The following ZDHHC15 variants were observed in gnomAD, a reference collection of about 807,000 sequenced individuals.
ZDHHC15 encodes the protein palmitoyltransferase ZDHHC15.
A neutral mutation model predicts 31.7 loss-of-function variants in ZDHHC15; 19 were observed. That is an observed-to-expected ratio of 0.60 (90% CI 0.42 to 0.88). ZDHHC15 has a LOEUF of 0.88. Among genes scored for constraint, ZDHHC15 ranks in the 40% least tolerant of loss-of-function variants. The pLI is 0.00. For missense variants in ZDHHC15, 209 were observed against 251.2 expected, an observed-to-expected ratio of 0.83 and a Z score of 1.14; for synonymous variants, 103 against 90.0, an observed-to-expected ratio of 1.14 and a Z score of -0.82.
chrX:75,416,975 C>T (rs2083555796), intron 10 of ZDHHC15, 112 bp downstream of exon 10: 3 of 574,611 alleles, frequency 5.2e-6, no homozygotes, highest in Non-Finnish European at 8.4e-6. Flanking sequence ...CTCCACCATC[C>T]AGAGGACACT....
intron 2 of ZDHHC15, among the ~76,000 whole-genome samples, chrX:75,488,543 T>A (rs1406439677): frequency 8.9e-6 from 1 of 112,237 alleles, no homozygotes; most frequent in Non-Finnish European, 1.9e-5. Context: ...AAATAAAACC[T>A]CAAATTACAC....
chrX:75,514,072 AC>A (rs2085318535), intron 1 of ZDHHC15, among the ~76,000 whole-genome samples: 1 of 112,854 alleles, frequency 8.9e-6, no homozygotes, highest in South Asian at 3.6e-4. Context: ...ATAAACAAAA[AC>A]TGAGGGAGCT....
At chrX:75,427,974 T>C (rs937263621) in intron 7 of ZDHHC15, among the ~76,000 whole-genome samples, 7 of 111,882 alleles carry the variant, frequency 6.3e-5, no homozygotes, top group Non-Finnish European at 1.1e-4. Context: ...TTAAATATTC[T>C]TGGCTATTTA....
intron 1 of ZDHHC15, among the ~76,000 whole-genome samples, chrX:75,516,940 A>G (rs2085367304): frequency 8.9e-6 from 1 of 112,452 alleles, no homozygotes; most frequent in Non-Finnish European, 1.9e-5. Flanking sequence ...ATGAACAGAC[A>G]TTTCTCAAAA....
chrX:75,514,328 G>C (rs1316009439), intron 1 of ZDHHC15, among the ~76,000 whole-genome samples: 1 of 112,320 alleles, frequency 8.9e-6, no homozygotes, highest in Non-Finnish European at 1.9e-5. Flanking sequence ...AATGTATAAA[G>C]ATGTAATTTG....
At chrX:75,407,635 G>A (rs997212914) in intron 10 of ZDHHC15, among the ~76,000 whole-genome samples, 2 of 111,753 alleles carry the variant, frequency 1.8e-5, no homozygotes, top group Non-Finnish European at 1.9e-5. Flanking sequence ...TGGGAGGTGG[G>A]GGGCGCCTCT....
At chrX:75,406,472 G>A (rs1779224204) in intron 10 of ZDHHC15, among the ~76,000 whole-genome samples, 1 of 110,776 alleles carries the variant, frequency 9.0e-6, no homozygotes, top group Admixed American at 9.6e-5. Flanking sequence ...AAAAAAGAGA[G>A]AAGACCCAAA....
At chrX:75,376,300 T>C (rs760486045) in intron 11 of ZDHHC15, among the ~76,000 whole-genome samples, 19 of 105,299 alleles carry the variant, frequency 1.8e-4, no homozygotes, top group African/African-American at 6.4e-4. Context: ...AGATTCTGGA[T>C]ATTAAACTTT....
intron 2 of ZDHHC15, among the ~76,000 whole-genome samples, chrX:75,480,223 A>C (rs1052885866): frequency 2.2e-4 from 24 of 111,355 alleles, no homozygotes; most frequent in African/African-American, 5.9e-4. Flanking sequence ...TATGTGCTTG[A>C]TTTTTGTAAC....
intron 1 of ZDHHC15, among the ~76,000 whole-genome samples, chrX:75,510,640 T>C (rs1333725528): frequency 2.1e-5 from 2 of 93,245 alleles, no homozygotes; most frequent in Admixed American, 2.5e-4. Flanking sequence ...GTTAGTTACA[T>C]ATGTATACAT....
At chrX:75,462,031 G>C (rs1385312730) in intron 3 of ZDHHC15, among the ~76,000 whole-genome samples, 1 of 111,693 alleles carries the variant, frequency 9.0e-6, no homozygotes, top group Non-Finnish European at 1.9e-5. Context: ...GTCTTCAAGA[G>C]ACCATCTCAA....
intron 2 of ZDHHC15, among the ~76,000 whole-genome samples, chrX:75,498,853 C>A (rs1244856850): frequency 1.8e-5 from 2 of 111,689 alleles, no homozygotes; most frequent in African/African-American, 3.3e-5. Context: ...AAGAACAAAT[C>A]TGGAGATATC....
intron 3 of ZDHHC15, among the ~76,000 whole-genome samples, chrX:75,473,942 G>A (rs2084545456): frequency 1.8e-5 from 2 of 111,555 alleles, no homozygotes; most frequent in South Asian, 7.5e-4. Flanking sequence ...TTGTACAAAG[G>A]ATAGTTGTAT....
rs946835947 is a variant in ZDHHC15 at position 75,416,217 on chromosome X, G to C, written c.967+870C>G. 9.0e-5 allele frequency among the ~76,000 whole-genome samples: 10 copies of C among 111,147 alleles called. No individual in the cohort carries two copies. In the Admixed American group the frequency reaches 9.6e-4, roughly 11 times the overall value. On this transcript the variant is annotated intron_variant, in intron 10 of 11. Coordinates refer to ENST00000373367, the MANE Select transcript of ZDHHC15 (RefSeq NM_144969.3). ...TAGATTTCCTGGTAATCAGGGCCTG[G>C]ATAATCCAACTGGGTAAAAAATTAG...
chrX:75,450,894 C>T lies in ZDHHC15; in HGVS notation c.287G>A (p.Arg96His), dbSNP rs1467082332. Residue 96 changes from arginine (R) to histidine (H), a missense_variant, in exon 4 of 12, where the codon CGC becomes CAC. By Grantham distance (29) the Arg-to-His change is conservative. Coordinates refer to ENST00000373367, the MANE Select transcript of ZDHHC15 (RefSeq NM_144969.3). ...CTCAGGTCTTTCTTCATTTTCATAG[C>T]GCTCCTTGTCTGTGTAGGACAAGTG... is the stretch of plus-strand genomic sequence containing the variant. ...KFHLSYTDKE[R>H]YENEERPEVQ... 6 of 1,209,714 alleles carry T rather than the reference C, an allele frequency of 5.0e-6. No homozygotes were observed. Among genetic ancestry groups the T allele is most frequent in the South Asian group, 1.8e-5 (1 of 56,868 alleles).
chrX:75,521,899 A>G (rs2085447170), intron 1 of ZDHHC15, among the ~76,000 whole-genome samples: 1 of 111,438 alleles, frequency 9.0e-6, no homozygotes, highest in South Asian at 3.8e-4. Context: ...GATAACGAGG[A>G]ATAATGATTA....
intron 11 of ZDHHC15, among the ~76,000 whole-genome samples, chrX:75,376,258 G>GTT (rs60979611): frequency 0.58 from 53,869 of 92,273 alleles, 15,363 homozygotes; most frequent in Non-Finnish European, 0.8. Flanking sequence ...TAATGGGGTT[G>GTT]TTTTTTTTTT....
At chrX:75,448,304 G>A (rs761255955) in intron 4 of ZDHHC15, among the ~76,000 whole-genome samples, 1 of 112,244 alleles carries the variant, frequency 8.9e-6, no homozygotes, top group Non-Finnish European at 1.9e-5. Context: ...CAGCTGAGGT[G>A]CTTGCTAAAG....
intron 1 of ZDHHC15, among the ~76,000 whole-genome samples, chrX:75,520,330 T>C (rs1022609584): frequency 1.7e-4 from 19 of 112,026 alleles, no homozygotes; most frequent in African/African-American, 5.5e-4. Flanking sequence ...ACTTGGTCTT[T>C]ACCTTGGTTT....
Sources: gnomAD v4.1 joint callset for allele counts (sites outside exome capture counted in the v4.1 genomes callset) on GRCh38, gnomAD v4.1.1 for gene constraint, MANE v1.5 for transcripts, NCBI Gene and HGNC (gene_info 2026-07-23, HGNC 2026-07-21) for gene names.